The following EXOC6B variants were observed in gnomAD, a reference collection of about 807,000 sequenced individuals.
EXOC6B encodes the protein SEC15 homolog B.
Under a neutral mutation model 113.5 loss-of-function variants are expected in EXOC6B, and 54 were observed. The ratio of observed to expected loss-of-function variants is 0.48; its 90% CI spans 0.38 to 0.60. The LOEUF (loss-of-function observed/expected upper bound fraction) is 0.60. Among genes scored for constraint, EXOC6B ranks in the 20% least tolerant of loss-of-function variants. EXOC6B has a pLI of 0.00. For missense variants in EXOC6B, 797 were observed against 977.5 expected (o/e 0.82, Z 2.46); for synonymous variants, 357 against 339.0 (o/e 1.05, Z -0.58).
chr2:72,779,260 C>T (rs1683889037), intron 1 of EXOC6B, among the ~76,000 whole-genome samples: 1 of 151,720 alleles, frequency 6.6e-6, no homozygotes, highest in South Asian at 2.1e-4. Flanking sequence ...GAATCCCACA[C>T]TCATCCATTT....
chr2:72,699,769 G>A (rs1678173562), intron 6 of EXOC6B, among the ~76,000 whole-genome samples: 1 of 152,064 alleles, frequency 6.6e-6, no homozygotes, highest in Admixed American at 6.6e-5. Context: ...CTGGCACCAG[G>A]GTAAAATTAC....
intron 18 of EXOC6B, among the ~76,000 whole-genome samples, chr2:72,412,936 TTCTC>T (rs1371856991): frequency 6.6e-6 from 1 of 151,586 alleles, no homozygotes; most frequent in Non-Finnish European, 1.5e-5. Flanking sequence ...TTCCTTCTCT[TTCTC>T]TCTTTCTCTC....
chr2:72,326,870 C>G (rs539138690), intron 20 of EXOC6B, among the ~76,000 whole-genome samples: 1 of 151,980 alleles, frequency 6.6e-6, no homozygotes, highest in Non-Finnish European at 1.5e-5. Context: ...AAGGATGAAG[C>G]GGAAAGTGCT....
intron 20 of EXOC6B, among the ~76,000 whole-genome samples, chr2:72,188,338 G>C (rs925772348): frequency 6.6e-6 from 1 of 152,194 alleles, no homozygotes; most frequent in African/African-American, 2.4e-5. Context: ...GGAATGACAA[G>C]CTATCTAATT....
At chr2:72,515,941 A>G (rs997870916) in intron 8 of EXOC6B, among the ~76,000 whole-genome samples, 3 of 152,164 alleles carry the variant, frequency 2.0e-5, no homozygotes, top group Admixed American at 2.0e-4. Flanking sequence ...TGGGGAGAAC[A>G]CCACGTGATG....
At chr2:72,690,641 TCA>T (rs1677421111) in intron 6 of EXOC6B, among the ~76,000 whole-genome samples, 1 of 152,228 alleles carries the variant, frequency 6.6e-6, no homozygotes, top group Middle Eastern at 3.2e-3. Flanking sequence ...AGTACTAGTC[TCA>T]GTTTCTAAAT....
intron 1 of EXOC6B, among the ~76,000 whole-genome samples, chr2:72,778,967 T>C (rs1318003457): frequency 6.6e-6 from 1 of 152,138 alleles, no homozygotes; most frequent in Non-Finnish European, 1.5e-5. Context: ...TATTAACATA[T>C]ACAGTGAATA....
At chr2:72,579,796 A>G (rs531502697) in intron 6 of EXOC6B, among the ~76,000 whole-genome samples, 1 of 152,292 alleles carries the variant, frequency 6.6e-6, no homozygotes, top group Non-Finnish European at 1.5e-5. Flanking sequence ...AGGCATACAA[A>G]CAAATGACCT....
At chr2:72,692,487 G>C (rs2104594272) in intron 6 of EXOC6B, among the ~76,000 whole-genome samples, 2 of 151,974 alleles carry the variant, frequency 1.3e-5, no homozygotes, top group South Asian at 4.2e-4. Flanking sequence ...GAGCAGCTGG[G>C]ACTACAGGCG....
intron 6 of EXOC6B, among the ~76,000 whole-genome samples, chr2:72,595,660 G>T (rs1670036729): frequency 6.6e-6 from 1 of 151,842 alleles, no homozygotes; most frequent in African/African-American, 2.4e-5. Context: ...TACCAAATTA[G>T]GGTCATAAAG....
intron 18 of EXOC6B, among the ~76,000 whole-genome samples, chr2:72,456,863 C>T (rs774080277): frequency 5.3e-5 from 8 of 151,968 alleles, no homozygotes; most frequent in Non-Finnish European, 1.0e-4. Context: ...TTAAAAAGTG[C>T]CACAAAGGAA....
intron 20 of EXOC6B, 50 bp from the exon 21 acceptor site, chr2:72,184,237 A>G: frequency 1.1e-6 from 1 of 951,912 alleles, no homozygotes. Context: ...CAGACAAGAC[A>G]AACCAAGATT....
intron 20 of EXOC6B, among the ~76,000 whole-genome samples, chr2:72,226,695 C>T (rs1475514238): frequency 6.6e-6 from 1 of 152,182 alleles, no homozygotes; most frequent in Non-Finnish European, 1.5e-5. Flanking sequence ...TTTATGTTCA[C>T]TTTGACTAGG....
chr2:72,549,632 C>T (rs1015471905), intron 8 of EXOC6B, among the ~76,000 whole-genome samples: 5 of 152,030 alleles, frequency 3.3e-5, no homozygotes, highest in East Asian at 1.9e-4. Context: ...TGTGAATATC[C>T]GAAAGGTTCT....
At chr2:72,683,992 C>T (rs750024473) in intron 6 of EXOC6B, among the ~76,000 whole-genome samples, 2 of 152,166 alleles carry the variant, frequency 1.3e-5, no homozygotes, top group Non-Finnish European at 2.9e-5. Flanking sequence ...AGTGCAATGG[C>T]GCAATCTTGG....
intron 20 of EXOC6B, among the ~76,000 whole-genome samples, chr2:72,195,278 T>C (rs1420720720): frequency 2.0e-5 from 3 of 152,174 alleles, no homozygotes; most frequent in East Asian, 1.9e-4. Flanking sequence ...TGTAGGGCCA[T>C]TTCTCACTGA....
At chr2:72,808,580 G>C (rs1685707489) in intron 1 of EXOC6B, among the ~76,000 whole-genome samples, 2 of 152,140 alleles carry the variant, frequency 1.3e-5, no homozygotes, top group South Asian at 4.1e-4. Flanking sequence ...GTAACATAAT[G>C]AGGCCCAGTC....
At chr2:72,638,200 GGATCACTA>G (rs1481589329) in intron 6 of EXOC6B, among the ~76,000 whole-genome samples, 1 of 152,080 alleles carries the variant, frequency 6.6e-6, no homozygotes, top group Non-Finnish European at 1.5e-5. Flanking sequence ...GAAATTCAAA[GGATCACTA>G]GAGGCTACTA....
At chr2:72,510,970 C>T (rs1317262163) in intron 11 of EXOC6B, among the ~76,000 whole-genome samples, 1 of 151,772 alleles carries the variant, frequency 6.6e-6, no homozygotes, top group African/African-American at 2.4e-5. Context: ...TCAGAACACA[C>T]AAAAACATGT....
Sources: allele counts gnomAD v4.1 joint callset (sites outside exome capture counted in the v4.1 genomes callset), GRCh38; gene constraint gnomAD v4.1.1; transcripts MANE v1.5; gene names NCBI Gene and HGNC (gene_info 2026-07-23, HGNC 2026-07-21).